HHLA1: variants seen among roughly 807,000 people sequenced by gnomAD.
HHLA1 encodes HERV-H LTR-associating protein 1.
HHLA1 carries 72 observed loss-of-function variants against 69.9 expected under a neutral mutation model. That is an observed-to-expected ratio of 1.03 (90% CI 0.85 to 1.25). The LOEUF (loss-of-function observed/expected upper bound fraction) is 1.25. HHLA1 is among the 50% of genes most tolerant of loss of function. The pLI, the probability that HHLA1 is intolerant of heterozygous loss-of-function variation, is 0.00. For missense variants in HHLA1, 685 were observed against 642.2 expected (o/e 1.07, Z -0.72); for synonymous variants, 252 against 233.2 (o/e 1.08, Z -0.73).
chr8:132,105,129 G>T, intron 2 of HHLA1, 58 bp downstream of exon 2: 1 of 1,313,792 alleles, frequency 7.6e-7, no homozygotes, highest in Non-Finnish European at 1.1e-6. Context: ...CTAAAGCACA[G>T]TGAATACTCC....
chr8:132,091,833 G>C (rs778110609), intron 7 of HHLA1, among the ~76,000 whole-genome samples: 1 of 152,126 alleles, frequency 6.6e-6, no homozygotes, highest in Non-Finnish European at 1.5e-5. Context: ...AGACATTTTG[G>C]CAATTCAAAT....
chr8:132,081,325 G>A (rs1038628919), intron 10 of HHLA1, among the ~76,000 whole-genome samples: 12 of 152,178 alleles, frequency 7.9e-5, no homozygotes, highest in Admixed American at 5.9e-4. Context: ...GAGCCTAAAT[G>A]GGCTGTACCC....
chr8:132,089,198 T>C (rs1222941811), intron 8 of HHLA1, among the ~76,000 whole-genome samples: 1 of 152,198 alleles, frequency 6.6e-6, no homozygotes, highest in East Asian at 1.9e-4. Context: ...CCTCTCTGGA[T>C]CTCAGTTTTG....
intron 10 of HHLA1, 83 bp downstream of exon 10, chr8:132,087,570 A>T: frequency 1.2e-6 from 1 of 801,498 alleles, no homozygotes; most frequent in Admixed American, 2.3e-5. Context: ...ACAACACCTG[A>T]GGGCAGCTTT....
chr8:132,107,155 G>A (rs963534464), intron 1 of HHLA1, among the ~76,000 whole-genome samples: 2 of 151,680 alleles, frequency 1.3e-5, no homozygotes, highest in East Asian at 1.9e-4. Context: ...AGAGAAATAC[G>A]GAATTAAAAG....
At position 132,070,681 on chromosome 8, in the gene HHLA1, C is replaced by T. The variant is rs1012819939; in HGVS notation, c.1469+659G>A. 2.0e-5 allele frequency among the ~76,000 whole-genome samples: 3 copies of T among 151,924 alleles called. No individual in the cohort carries two copies. In the East Asian group the frequency reaches 5.8e-4, roughly 29 times the overall value. ...CTCATCTCATCACGGCTAAACTCAT[C>T]CCAACTCAACTCAACTCATCTCAAC... On this transcript the variant is annotated intron_variant, in intron 15 of 16. Coordinates refer to ENST00000414222, the MANE Select transcript of HHLA1 (RefSeq NM_001145095.3).
chr8:132,083,410 G>T (rs1477423789), intron 10 of HHLA1, among the ~76,000 whole-genome samples: 2 of 152,048 alleles, frequency 1.3e-5, no homozygotes, highest in Non-Finnish European at 2.9e-5. Flanking sequence ...TTAAGAAGGG[G>T]ACGGGCTTAC....
At position 132,080,046 on chromosome 8, in the gene HHLA1, A is replaced by C. The variant is rs990339017; in HGVS notation, c.677-80T>G. The stretch of plus-strand genomic sequence containing the variant: ...AAAACTGAAAGGTCACTGGACTGCA[A>C]ATATATGAATGTGGAGATTCAAACC... On this transcript the variant is annotated intron_variant, in intron 10 of 16. Transcript: ENST00000414222. 1.7e-5 allele frequency: 26 copies of C among 1,489,110 alleles called. No homozygotes were observed. In the African/African-American group the frequency reaches 3.2e-4, roughly 18 times the overall value. The allele number at this position is 1,489,110 out of a possible 1,614,324, so 92.2% of individuals were successfully genotyped here.
intron 5 of HHLA1, among the ~76,000 whole-genome samples, 191 bp from the exon 6 acceptor site, chr8:132,095,977 T>C (rs1216694973): frequency 6.6e-6 from 1 of 151,622 alleles, no homozygotes; most frequent in African/African-American, 2.4e-5. Context: ...AGCTGAAGAG[T>C]ATGTATCATT....
At chr8:132,108,628 T>C (rs1257803764) in intron 1 of HHLA1, among the ~76,000 whole-genome samples, 1 of 152,034 alleles carries the variant, frequency 6.6e-6, no homozygotes, top group African/African-American at 2.4e-5. Flanking sequence ...AAATATACTA[T>C]CCCCTAATAA....
chr8:132,095,882 T>A, intron 5 of HHLA1, 96 bp from the exon 6 acceptor site: 1 of 621,234 alleles, frequency 1.6e-6, no homozygotes, highest in Admixed American at 3.4e-5. Flanking sequence ...ACAATGCCAA[T>A]AAAGAAACCA....
intron 7 of HHLA1, among the ~76,000 whole-genome samples, chr8:132,093,481 G>T (rs1823975306): frequency 6.6e-6 from 1 of 152,158 alleles, no homozygotes; most frequent in African/African-American, 2.4e-5. Flanking sequence ...CATCCACAAA[G>T]TCACCTTCCC....
chr8:132,065,477 T>A (rs1216648536), intron 16 of HHLA1, among the ~76,000 whole-genome samples: 1 of 152,138 alleles, frequency 6.6e-6, no homozygotes, highest in Non-Finnish European at 1.5e-5. Flanking sequence ...AGAGACGGGG[T>A]TTCACCATGT....
At chr8:132,103,342 G>T (rs1292959672) in intron 3 of HHLA1, among the ~76,000 whole-genome samples, 2 of 152,166 alleles carry the variant, frequency 1.3e-5, no homozygotes, top group African/African-American at 2.4e-5. Flanking sequence ...AATCGTCCAG[G>T]TCTGGTGGCT....
At chr8:132,100,822 G>T (rs535175784) in intron 3 of HHLA1, among the ~76,000 whole-genome samples, 1 of 152,206 alleles carries the variant, frequency 6.6e-6, no homozygotes, top group African/African-American at 2.4e-5. Flanking sequence ...AGGGGATGGA[G>T]AAGGCCTTCT....
Position 132,078,083 on chromosome 8 carries a change from G to A in HHLA1, c.926-112C>T, listed in dbSNP as rs150619810. On this transcript the variant is annotated intron_variant, in intron 11 of 16. Coordinates refer to ENST00000414222, the MANE Select transcript of HHLA1 (RefSeq NM_001145095.3). The stretch of plus-strand genomic sequence containing the variant: ...ATCAAAGGGCAAATGCAATGTGAAC[G>A]TGTAATATAAGTAATCCAGGGGCTT... 711 of 1,174,490 alleles carry A rather than the reference G, an allele frequency of 6.1e-4. 3 individuals carry two copies. The African/African-American group carries it at 9.1e-3, about 15-fold the overall frequency. The allele number at this position is 1,174,490 out of a possible 1,614,324, so 72.8% of individuals were successfully genotyped here.
chr8:132,080,125 CCCCT>C, intron 10 of HHLA1, 159 bp from the exon 11 acceptor site: 5 of 1,019,540 alleles, frequency 4.9e-6, no homozygotes, highest in Non-Finnish European at 7.4e-6. Context: ...CAGATTCTGA[CCCCT>C]GTCAGAGCCT....
intron 15 of HHLA1, among the ~76,000 whole-genome samples, chr8:132,066,647 T>C (rs1311516653): frequency 6.6e-6 from 1 of 152,172 alleles, no homozygotes; most frequent in Non-Finnish European, 1.5e-5. Flanking sequence ...TTTGAGGAGG[T>C]TGGGCTAAAC....
intron 1 of HHLA1, among the ~76,000 whole-genome samples, chr8:132,107,924 T>A (rs1374216949): frequency 6.6e-6 from 1 of 152,186 alleles, no homozygotes; most frequent in Non-Finnish European, 1.5e-5. Context: ...CGCTTCCCTT[T>A]GCAAGTCTGG....
Sources: allele counts gnomAD v4.1 joint callset (sites outside exome capture counted in the v4.1 genomes callset), GRCh38; gene constraint gnomAD v4.1.1; transcripts MANE v1.5; gene names NCBI Gene and HGNC (gene_info 2026-07-23, HGNC 2026-07-21).